The following SP2 variants were observed in gnomAD, a reference collection of about 807,000 sequenced individuals.
The protein encoded by SP2 is transcription factor Sp2.
SP2 carries 9 observed loss-of-function variants against 50.1 expected under a neutral mutation model. That is an observed-to-expected ratio of 0.18 (90% CI 0.11 to 0.31). SP2 has a LOEUF of 0.31. SP2 is among the 10% of genes least tolerant of loss of function. SP2 has a pLI of 1.00. For synonymous variants in SP2, 313 were observed against 326.6 expected (o/e 0.96, Z 0.45); for missense variants, 581 against 806.5 (o/e 0.72, Z 3.39).
At chr17:47,902,995 A>T (rs961027365) in intron 1 of SP2, among the ~76,000 whole-genome samples, 3 of 152,198 alleles carry the variant, frequency 2.0e-5, no homozygotes, top group African/African-American at 7.2e-5. Context: ...ACCTCAGGTG[A>T]TCCACCTGCC....
In SP2 at chr17:47,915,305, C is replaced by T. The variant is rs753532412; in HGVS notation, c.8-7C>T. 6.2e-7 allele frequency: 1 copy of T among 1,605,116 alleles called. No homozygotes were observed. The highest frequency in any genetic ancestry group is 1.7e-5 in the Admixed American group (1 of 59,004). On this transcript the variant is annotated splice_polypyrimidine_tract_variant and splice_region_variant and intron_variant, in intron 1 of 6. Coordinates refer to ENST00000376741, the MANE Select transcript of SP2 (RefSeq NM_003110.6). ...TATACATTACTCCATCTCTTTTCTTCCAACAGATCCACAGACCAGCATGGC... is the reference window on the plus strand; with the variant it reads ...TATACATTACTCCATCTCTTTTCTTTCAACAGATCCACAGACCAGCATGGC...
intron 1 of SP2, among the ~76,000 whole-genome samples, chr17:47,897,179 C>G (rs2034373274): frequency 6.6e-6 from 1 of 152,248 alleles, no homozygotes; most frequent in South Asian, 2.1e-4. Context: ...CCATTGCTGA[C>G]TTACGGTTTT....
At chr17:47,907,879 G>A (rs1216299781) in intron 1 of SP2, among the ~76,000 whole-genome samples, 5 of 152,192 alleles carry the variant, frequency 3.3e-5, no homozygotes, top group Non-Finnish European at 7.3e-5. Flanking sequence ...TAGTCTTACA[G>A]TTAGGTATCT....
chr17:47,918,376 G>A (rs1254691705), intron 3 of SP2: 6 of 152,268 alleles, frequency 3.9e-5, no homozygotes, highest in African/African-American at 1.4e-4. Context: ...CCCTACAGGT[G>A]ATATTTTATG....
rs764823523 is a variant in SP2 at position 47,915,312 on chromosome 17, A to G, written c.8A>G (p.Asp3Gly). The change falls in exon 2 of 7, where the codon GAT (aspartate) becomes GGT (glycine). Residue 3 changes from aspartate to glycine, a missense_variant and splice_region_variant. By Grantham distance (94) the Asp-to-Gly change is moderately conservative (BLOSUM62 -1). This residue lies in a region of SP2 where 397 missense variants were observed against 491.0 expected (regional missense o/e 0.81). Transcript: ENST00000376741. The stretch of plus-strand genomic sequence containing the variant: ...TACTCCATCTCTTTTCTTCCAACAG[A>G]TCCACAGACCAGCATGGCTGCCACT... The part of the protein sequence containing the change: MS[D>G]PQTSMAATAA... 6.2e-7 allele frequency: 1 copy of G among 1,609,068 alleles called. No homozygotes were observed. The highest frequency in any genetic ancestry group is 8.5e-7 in the Non-Finnish European group (1 of 1,177,142).
At position 47,901,120 on chromosome 17, in the gene SP2, C is replaced by T. The variant is rs557171115; in HGVS notation, c.7+4827C>T. On this transcript the variant is annotated intron_variant, in intron 1 of 6. Transcript: ENST00000376741. ...AGAATTAAGGGTGGAGACAGATAGG[C>T]GGTATTCAAATTCAAGTGCCTTCGT... 1.2e-4 allele frequency among the ~76,000 whole-genome samples: 18 copies of T among 151,496 alleles called. No homozygotes were observed. In the South Asian group the frequency reaches 2.7e-3, roughly 23 times the overall value.
At chr17:47,911,530 C>T (rs888778971) in intron 1 of SP2, among the ~76,000 whole-genome samples, 1 of 148,604 alleles carries the variant, frequency 6.7e-6, no homozygotes, top group African/African-American at 2.5e-5. Context: ...AAAGATTGGC[C>T]GGGCACAGTG....
At chr17:47,929,503 A>G (rs561045054), downstream of SP2, among the ~76,000 whole-genome samples, 4 of 152,364 alleles carry the variant, frequency 2.6e-5, no homozygotes, top group East Asian at 1.9e-4. Flanking sequence ...CCTGGAGCCC[A>G]GCTGCACCCG....
At chr17:47,896,400 C>T (rs1321109863) in intron 1 of SP2, 107 bp downstream of exon 1, 1 of 933,578 alleles carries the variant, frequency 1.1e-6, no homozygotes, top group African/African-American at 1.7e-5. Context: ...CCCCCTGGGG[C>T]TGGGTCTGGC....
rs745994091 is a variant in SP2 at position 47,925,473 on chromosome 17, A to G, written c.1673A>G (p.Asn558Ser). The change falls in exon 6 of 7, where the codon AAC (asparagine) becomes AGC (serine). Residue 558 changes from asparagine (N) to serine (S), a missense_variant. Transcript: ENST00000376741. ...LHTGERPFVC[N>S]WFFCGKRFTR... The stretch of plus-strand genomic sequence containing the variant: ...ACTGGCGAGCGGCCCTTTGTCTGCA[A>G]CTGGTTCTTCTGTGGGAAGAGGTTC... The G allele has an allele frequency of 8.7e-6, 14 of 1,614,088 alleles. 1 individual carries two copies. The highest frequency in any genetic ancestry group is 8.0e-5 in the African/African-American group (6 of 74,936).
At chr17:47,915,801 C>T (rs2035176855) in intron 2 of SP2, among the ~76,000 whole-genome samples, 1 of 152,190 alleles carries the variant, frequency 6.6e-6, no homozygotes, top group African/African-American at 2.4e-5. Context: ...ACCCCTCAGT[C>T]CCTGGGGTGG....
chr17:47,916,049 T>G lies in SP2; in HGVS notation c.85-107T>G. 1 of 1,318,344 alleles carries G rather than the reference T, an allele frequency of 7.6e-7. No individual in the cohort carries two copies. The highest frequency in any genetic ancestry group is 1.0e-6 in the Non-Finnish European group (1 of 963,018). 81.7% of individuals were successfully genotyped at this position (1,318,344 alleles called of 1,614,324 possible). ...ACTGGCAACATGCCTGCCCCGGAGG[T>G]GGGGAAGACTGGCGTGGAATGCCGC... On this transcript the variant is annotated intron_variant, in intron 2 of 6. Coordinates refer to ENST00000376741, the MANE Select transcript of SP2 (RefSeq NM_003110.6). The surrounding 1 kb of genome is among the most constrained non-coding windows in gnomAD (Gnocchi z 4.7).
chr17:47,902,495 G>A (rs1046407025), intron 1 of SP2, among the ~76,000 whole-genome samples: 2 of 152,188 alleles, frequency 1.3e-5, no homozygotes, highest in African/African-American at 4.8e-5. Context: ...TAATCCGTGG[G>A]AGACATGATA....
rs1178941345 is a variant in SP2 at position 47,916,249 on chromosome 17, C to T, written c.178C>T (p.Pro60Ser). The change falls in exon 3 of 7, where the codon CCA (proline) becomes TCA (serine). Residue 60 changes from proline to serine, a missense_variant. By Grantham distance (74) the Pro-to-Ser change is moderately conservative. Around this residue, in one of 2 missense-constraint regions of SP2, gnomAD observed 397 missense variants for 491.0 expected, o/e 0.81. Coordinates refer to ENST00000376741, the MANE Select transcript of SP2 (RefSeq NM_003110.6). The surrounding 1 kb of genome is among the most constrained non-coding windows in gnomAD (Gnocchi z 4.7). ...VEAAVTPPAP[P>S]QPTPRKLVPI... is the part of the protein sequence containing the mutation. ...AGCTGCTGTGACACCTCCTGCTCCC[C>T]CACAGCCCACACCGCGGAAACTTGT... The T allele has an allele frequency of 6.2e-7, 1 of 1,614,146 alleles. No homozygotes were observed. Among genetic ancestry groups the T allele is most frequent in the African/African-American group, 1.3e-5 (1 of 75,024 alleles).
chr17:47,909,685 G>A (rs1188219345), intron 1 of SP2: 15 of 983,982 alleles, frequency 1.5e-5, no homozygotes, highest in Non-Finnish European at 1.8e-5. Context: ...AGGAGGCTAA[G>A]AGGGACCATC....
intron 2 of SP2, among the ~76,000 whole-genome samples, chr17:47,915,623 AAAAAGG>A: frequency 6.6e-6 from 1 of 152,198 alleles, no homozygotes; most frequent in African/African-American, 2.4e-5. Flanking sequence ...GACCTCACTA[AAAAAGG>A]AAAAGGAAAA....
Position 47,916,258 on chromosome 17 carries a change from A to G in SP2, c.187A>G (p.Thr63Ala). ...GACACCTCCTGCTCCCCCACAGCCC[A>G]CACCGCGGAAACTTGTCCCTATCAA... ...AVTPPAPPQP[T>A]PRKLVPIKPA... The change falls in exon 3 of 7, where the codon ACA (threonine) becomes GCA (alanine). Residue 63 changes from threonine to alanine, a missense_variant. Thr to Ala is a moderately conservative substitution (Grantham distance 58). This residue lies in a region of SP2 where 397 missense variants were observed against 491.0 expected (regional missense o/e 0.81). Coordinates refer to ENST00000376741, the MANE Select transcript of SP2 (RefSeq NM_003110.6). The surrounding 1 kb of genome is among the most constrained non-coding windows in gnomAD (Gnocchi z 4.7). The G allele has an allele frequency of 6.2e-7, 1 of 1,613,452 alleles. No homozygotes were observed. Among genetic ancestry groups the G allele is most frequent in the Non-Finnish European group, 8.5e-7 (1 of 1,179,478 alleles).
chr17:47,910,506 T>A (rs2034940288), intron 1 of SP2, among the ~76,000 whole-genome samples: 1 of 152,262 alleles, frequency 6.6e-6, no homozygotes, highest in African/African-American at 2.4e-5. Flanking sequence ...ATATTACAAC[T>A]TAATTTTATA....
Position 47,927,876 on chromosome 17 carries a change from C to T in SP2, c.*52C>T, listed in dbSNP as rs746773415. 67 of 1,119,144 alleles carry T rather than the reference C, an allele frequency of 6.0e-5. No homozygotes were observed. The East Asian group carries it at 1.6e-3, about 27-fold the overall frequency. 69.3% of individuals were successfully genotyped at this position (1,119,144 alleles called of 1,614,324 possible). A position where few individuals can be genotyped will look rare whatever the true frequency, so the allele number is the denominator to read the frequency against. ...GATGCAGTCCCCCACCTGTGTCCTCCCTGGGCCCCTGGTGGAAAGGAGCCC... is the reference window on the plus strand; with the variant it reads ...GATGCAGTCCCCCACCTGTGTCCTCTCTGGGCCCCTGGTGGAAAGGAGCCC... On this transcript the variant is annotated 3_prime_UTR_variant, in exon 7 of 7. Coordinates refer to ENST00000376741, the MANE Select transcript of SP2 (RefSeq NM_003110.6).
Sources: gnomAD v4.1 joint callset for allele counts (sites outside exome capture counted in the v4.1 genomes callset) on GRCh38, gnomAD v4.1.1 for gene constraint, gnomAD v4.1.1 regional missense constraint, Gnocchi (gnomAD v3.1) non-coding constraint, MANE v1.5 for transcripts, NCBI Gene and HGNC (gene_info 2026-07-23, HGNC 2026-07-21) for gene names.